The following TBCA variants were observed in gnomAD, a reference collection of about 807,000 sequenced individuals.
TBCA encodes tubulin-specific chaperone A.
Under a neutral mutation model 15.8 loss-of-function variants are expected in TBCA, and 6 were observed. The ratio of observed to expected loss-of-function variants is 0.38; its 90% CI spans 0.21 to 0.75. The LOEUF is 0.75. Ranked by LOEUF, TBCA falls within the 30% of genes least tolerant of loss-of-function variation. TBCA has a pLI of 0.46. For missense variants in TBCA, 90 were observed against 131.2 expected, an observed-to-expected ratio of 0.69 and a Z score of 1.53; for synonymous variants, 32 against 42.3, an observed-to-expected ratio of 0.76 and a Z score of 0.94.
intron 1 of TBCA, 77 bp downstream of exon 1, chr5:77,776,128 C>T: frequency 2.0e-6 from 3 of 1,534,224 alleles, no homozygotes; most frequent in South Asian, 2.4e-5. Context: ...CCTCCTCGGG[C>T]CTGCGCTCCG....
At chr5:77,772,351 A>G (rs190400367) in intron 1 of TBCA, among the ~76,000 whole-genome samples, 1 of 152,236 alleles carries the variant, frequency 6.6e-6, no homozygotes, top group East Asian at 1.9e-4. Context: ...GATTTTTAAA[A>G]ATAGGTTGCA....
intron 2 of TBCA, among the ~76,000 whole-genome samples, chr5:77,698,445 T>G (rs1235736262): frequency 6.6e-6 from 1 of 152,212 alleles, no homozygotes; most frequent in African/African-American, 2.4e-5. Flanking sequence ...GAAACTGAAG[T>G]TGTAATTTAT....
chr5:77,699,902 G>T (rs1745967484), intron 2 of TBCA, among the ~76,000 whole-genome samples: 1 of 151,922 alleles, frequency 6.6e-6, no homozygotes, highest in South Asian at 2.1e-4. Flanking sequence ...GCTGGGCATG[G>T]TGGCAGGCGC....
At position 77,693,337 on chromosome 5, in the gene TBCA, C is replaced by T. The variant is rs1426464737; in HGVS notation, c.175G>A (p.Glu59Lys). ...DIKKQAEILQ[E>K]SRMMIPDCQR... ...CAATCTGGGATCATCATCCTGGATTCTTGTAGGATCTCTGCCTAGAATGAG... is the reference window on the plus strand; with the variant it reads ...CAATCTGGGATCATCATCCTGGATTTTTGTAGGATCTCTGCCTAGAATGAG... Residue 59 changes from glutamate (E) to lysine (K), a missense_variant, in exon 3 of 4, where the codon GAA becomes AAA. Physicochemically the swap from Glu to Lys is moderately conservative, Grantham distance 56. Transcript: ENST00000380377. The T allele has an allele frequency of 1.2e-6, 2 of 1,611,544 alleles. No individual in the cohort carries two copies. The highest frequency in any genetic ancestry group is 1.7e-6 in the Non-Finnish European group (2 of 1,179,298).
chr5:77,752,988 C>T (rs949547207), intron 1 of TBCA, among the ~76,000 whole-genome samples: 11 of 152,196 alleles, frequency 7.2e-5, no homozygotes, highest in African/African-American at 1.4e-4. Flanking sequence ...CCACCGCACC[C>T]GGCCTAATTT....
chr5:77,710,189 C>A (rs1319061768), intron 1 of TBCA, among the ~76,000 whole-genome samples: 5 of 151,424 alleles, frequency 3.3e-5, no homozygotes, highest in Non-Finnish European at 7.4e-5. Flanking sequence ...AAGCTGTTGG[C>A]AAAAAGGAAA....
chr5:77,691,638 G>A (rs1745750948), intron 3 of TBCA, 140 bp from the exon 4 acceptor site: 7 of 1,398,958 alleles, frequency 5.0e-6, no homozygotes, highest in Non-Finnish European at 6.5e-6. Context: ...TAAATATATT[G>A]TAATTCCACA....
intron 3 of TBCA, 80 bp downstream of exon 3, chr5:77,693,186 G>A: frequency 6.4e-7 from 1 of 1,564,074 alleles, no homozygotes; most frequent in Non-Finnish European, 8.7e-7. Context: ...AGTTCTCAGT[G>A]TTAAATATTT....
chr5:77,770,663 T>A (rs768730034), intron 1 of TBCA, among the ~76,000 whole-genome samples: 21 of 151,830 alleles, frequency 1.4e-4, no homozygotes, highest in African/African-American at 5.1e-4. Context: ...GCTGCCAGAT[T>A]AGTTGTGACC....
At chr5:77,761,031 G>A (rs1398600946) in intron 1 of TBCA, among the ~76,000 whole-genome samples, 3 of 151,382 alleles carry the variant, frequency 2.0e-5, no homozygotes, top group Non-Finnish European at 4.4e-5. Flanking sequence ...ACCTCTGCCC[G>A]GCTGCCGCCC....
chr5:77,761,411 C>A (rs558348738), intron 1 of TBCA, among the ~76,000 whole-genome samples: 1 of 152,206 alleles, frequency 6.6e-6, no homozygotes, highest in African/African-American at 2.4e-5. Context: ...GCAAGATGTG[C>A]TTTGTTAAAC....
At chr5:77,750,451 A>T (rs1225447288) in intron 1 of TBCA, among the ~76,000 whole-genome samples, 1 of 152,118 alleles carries the variant, frequency 6.6e-6, no homozygotes, top group Non-Finnish European at 1.5e-5. Flanking sequence ...TTAATGTACA[A>T]TACTATGGTG....
chr5:77,715,417 T>C (rs1746374905), intron 1 of TBCA: 2 of 603,032 alleles, frequency 3.3e-6, no homozygotes, highest in Admixed American at 5.6e-5. Flanking sequence ...GAAAACATCT[T>C]TAAGAAGGAT....
chr5:77,752,917 A>C (rs1747385436), intron 1 of TBCA, among the ~76,000 whole-genome samples: 1 of 152,020 alleles, frequency 6.6e-6, no homozygotes. Flanking sequence ...GTCTCAAACT[A>C]CTGACTTCAA....
At chr5:77,737,363 T>C (rs919018499) in intron 1 of TBCA, among the ~76,000 whole-genome samples, 1 of 152,206 alleles carries the variant, frequency 6.6e-6, no homozygotes, top group African/African-American at 2.4e-5. Context: ...TGGCAAACAG[T>C]GCATTATTTA....
At chr5:77,746,614 A>T (rs2112486544) in intron 1 of TBCA, among the ~76,000 whole-genome samples, 1 of 152,346 alleles carries the variant, frequency 6.6e-6, no homozygotes, top group Non-Finnish European at 1.5e-5. Context: ...TGTACAAAAC[A>T]GTCTCATGAA....
chr5:77,776,265 C>G lies in TBCA; in HGVS notation c.-8G>C, dbSNP rs754830927. On this transcript the variant is annotated 5_prime_UTR_variant, in exon 1 of 4. Transcript: ENST00000380377. ...CACGCGAGGATCGGCCATGGTCCCT[C>G]GAGCGCCGCGAGAAGGAGGGGCGGA... 7 of 1,575,674 alleles carry G rather than the reference C, an allele frequency of 4.4e-6. No homozygotes were observed. Among genetic ancestry groups the G allele is most frequent in the Admixed American group, 1.8e-5 (1 of 54,894 alleles).
intron 1 of TBCA, among the ~76,000 whole-genome samples, chr5:77,762,855 A>G (rs1290515323): frequency 6.6e-6 from 1 of 152,218 alleles, no homozygotes; most frequent in Non-Finnish European, 1.5e-5. Context: ...ATCATTCTAT[A>G]CAAGGCAGAA....
intron 1 of TBCA, among the ~76,000 whole-genome samples, chr5:77,712,582 AC>A (rs1288236507): frequency 6.6e-6 from 1 of 152,156 alleles, no homozygotes; most frequent in Non-Finnish European, 1.5e-5. Flanking sequence ...TTATAAAAAA[AC>A]AAAATTTTAA....
Sources: gnomAD v4.1 joint callset for allele counts (sites outside exome capture counted in the v4.1 genomes callset) on GRCh38, gnomAD v4.1.1 for gene constraint, MANE v1.5 for transcripts, NCBI Gene and HGNC (gene_info 2026-07-23, HGNC 2026-07-21) for gene names.